TAFA1: variants seen among roughly 807,000 people sequenced by gnomAD.
The protein encoded by TAFA1 is chemokine-like protein TAFA-1.
TAFA1 carries 4 observed loss-of-function variants against 18.5 expected under a neutral mutation model. That is an observed-to-expected ratio of 0.22 (90% CI 0.11 to 0.49). The LOEUF (loss-of-function observed/expected upper bound fraction) is 0.49. TAFA1 is among the 20% of genes least tolerant of loss of function. The pLI, the probability that TAFA1 is intolerant of heterozygous loss-of-function variation, is 0.98. For synonymous variants in TAFA1, 56 were observed against 55.2 expected (o/e 1.01, Z -0.06); for missense variants, 147 against 169.0 (o/e 0.87, Z 0.72).
At chr3:68,181,965 G>A (rs568089431) in intron 2 of TAFA1, among the ~76,000 whole-genome samples, 35 of 152,256 alleles carry the variant, frequency 2.3e-4, no homozygotes, top group Admixed American at 1.4e-3. Context: ...CCAGCACTTC[G>A]GGAGGCTAAG....
chr3:68,161,948 C>A (rs1486704581), intron 2 of TAFA1, among the ~76,000 whole-genome samples: 2 of 152,152 alleles, frequency 1.3e-5, no homozygotes, highest in East Asian at 3.8e-4. Context: ...CAGCCATGCT[C>A]ATTTCTTTTT....
At chr3:68,091,231 A>AT (rs2065025961) in intron 2 of TAFA1, among the ~76,000 whole-genome samples, 1 of 152,220 alleles carries the variant, frequency 6.6e-6, no homozygotes, top group African/African-American at 2.4e-5. Context: ...AAAATTGGGC[A>AT]TTTTAAATAG....
chr3:68,315,734 C>G (rs140688759), intron 2 of TAFA1, among the ~76,000 whole-genome samples: 436 of 152,242 alleles, frequency 2.9e-3, no homozygotes, highest in African/African-American at 9.7e-3. Context: ...CTTTATATGA[C>G]TGCTTTATTA....
At chr3:68,461,773 A>G (rs2071786983) in intron 3 of TAFA1, among the ~76,000 whole-genome samples, 1 of 151,854 alleles carries the variant, frequency 6.6e-6, no homozygotes, top group Non-Finnish European at 1.5e-5. Context: ...TCAGGACAAG[A>G]CCATAGACAT....
At chr3:68,127,587 G>C (rs1274639243) in intron 2 of TAFA1, among the ~76,000 whole-genome samples, 18 of 149,874 alleles carry the variant, frequency 1.2e-4, no homozygotes, top group East Asian at 2.0e-4. Flanking sequence ...GGTAGTGATG[G>C]TAGCAGTGGA....
intron 2 of TAFA1, among the ~76,000 whole-genome samples, chr3:68,126,079 T>A (rs1440271097): frequency 6.6e-6 from 1 of 152,192 alleles, no homozygotes; most frequent in Non-Finnish European, 1.5e-5. Context: ...TTCGCTCCTG[T>A]CTCCTAGAAT....
chr3:68,289,399 G>A (rs2068071217), intron 2 of TAFA1, among the ~76,000 whole-genome samples: 1 of 143,096 alleles, frequency 7.0e-6, no homozygotes, highest in Non-Finnish European at 1.6e-5. Flanking sequence ...AGGTCATAAA[G>A]ATAGTCTCCA....
At chr3:68,476,632 A>G (rs1295331965) in intron 3 of TAFA1, among the ~76,000 whole-genome samples, 2 of 152,206 alleles carry the variant, frequency 1.3e-5, no homozygotes, top group African/African-American at 2.4e-5. Flanking sequence ...TTCTTATTCA[A>G]TAATTGTGGC....
At chr3:68,279,031 C>T (rs572473511) in intron 2 of TAFA1, among the ~76,000 whole-genome samples, 11 of 152,194 alleles carry the variant, frequency 7.2e-5, no homozygotes, top group African/African-American at 2.6e-4. Context: ...GGTGATACTG[C>T]TGGATCATAG....
chr3:68,292,940 A>T (rs531738413), intron 2 of TAFA1, among the ~76,000 whole-genome samples: 26 of 152,170 alleles, frequency 1.7e-4, no homozygotes, highest in Non-Finnish European at 3.2e-4. Flanking sequence ...TTAGATTAAG[A>T]GGCATTTCAT....
At chr3:68,435,720 C>T (rs2071256624) in intron 3 of TAFA1, among the ~76,000 whole-genome samples, 1 of 152,144 alleles carries the variant, frequency 6.6e-6, no homozygotes, top group Non-Finnish European at 1.5e-5. Flanking sequence ...GGCATCTTAG[C>T]CACATGACTG....
At chr3:68,015,045 C>T (rs922231738) in intron 2 of TAFA1, among the ~76,000 whole-genome samples, 18 of 151,804 alleles carry the variant, frequency 1.2e-4, no homozygotes, top group South Asian at 2.1e-4. Flanking sequence ...GAGAGAGAAG[C>T]GAGGGAAGTG....
chr3:68,122,434 G>C (rs1250155695), intron 2 of TAFA1, among the ~76,000 whole-genome samples: 3 of 152,136 alleles, frequency 2.0e-5, no homozygotes, highest in African/African-American at 7.2e-5. Flanking sequence ...ATGTGTTCTA[G>C]AGGAAGTGAA....
intron 2 of TAFA1, among the ~76,000 whole-genome samples, chr3:68,059,021 A>AT (rs1198196468): frequency 1.3e-5 from 2 of 152,010 alleles, no homozygotes; most frequent in Non-Finnish European, 2.9e-5. Context: ...GTAATAAGTT[A>AT]TTTTTTCTAT....
chr3:68,250,823 C>A (rs2067182108), intron 2 of TAFA1: 1 of 150,890 alleles, frequency 6.6e-6, no homozygotes, highest in Admixed American at 6.6e-5. Context: ...CCTGATCCTG[C>A]AGGACAAGGA....
intron 2 of TAFA1, among the ~76,000 whole-genome samples, chr3:68,231,344 ATTTT>A (rs1175174572): frequency 1.3e-5 from 1 of 79,874 alleles, no homozygotes; most frequent in African/African-American, 5.1e-5. Context: ...AATCTATTTG[ATTTT>A]TTTTTTTTTT....
chr3:68,103,708 A>T (rs2065174259), intron 2 of TAFA1, among the ~76,000 whole-genome samples: 1 of 152,110 alleles, frequency 6.6e-6, no homozygotes, highest in African/African-American at 2.4e-5. Context: ...CACCATCATC[A>T]TCATCAAAAT....
At chr3:68,279,488 G>C (rs2067858850) in intron 2 of TAFA1, among the ~76,000 whole-genome samples, 1 of 152,142 alleles carries the variant, frequency 6.6e-6, no homozygotes, top group Admixed American at 6.5e-5. Flanking sequence ...GGGTCATACA[G>C]AGATGAATTA....
intron 3 of TAFA1, among the ~76,000 whole-genome samples, chr3:68,534,963 A>G (rs1418188647): frequency 6.6e-6 from 1 of 152,102 alleles, no homozygotes; most frequent in African/African-American, 2.4e-5. Flanking sequence ...AAAGGGTGAC[A>G]AAATGCTAAG....
Sources: gnomAD v4.1 joint callset for allele counts (sites outside exome capture counted in the v4.1 genomes callset) on GRCh38, gnomAD v4.1.1 for gene constraint, MANE v1.5 for transcripts, NCBI Gene and HGNC (gene_info 2026-07-23, HGNC 2026-07-21) for gene names.